Variants in AVL9 observed in about 807,000 individuals in gnomAD.
AVL9 encodes the protein late secretory pathway protein AVL9 homolog.
AVL9 carries 49 observed loss-of-function variants against 79.2 expected under a neutral mutation model. That is an observed-to-expected ratio of 0.62 (90% CI 0.49 to 0.79). AVL9 has a LOEUF of 0.79. Among genes scored for constraint, AVL9 ranks in the 30% least tolerant of loss-of-function variants. The pLI is 0.00. For synonymous variants in AVL9, 299 were observed against 280.6 expected (o/e 1.07, Z -0.65); for missense variants, 682 against 776.8 (o/e 0.88, Z 1.45).
At chr7:32,566,910 T>C (rs1021102488) in intron 10 of AVL9, among the ~76,000 whole-genome samples, 5 of 152,274 alleles carry the variant, frequency 3.3e-5, no homozygotes, top group Middle Eastern at 3.4e-3. Context: ...ATGTGACTTT[T>C]AGTGTTTGAG....
At chr7:32,508,435 G>GT (rs34805995) in intron 1 of AVL9, among the ~76,000 whole-genome samples, 53,265 of 151,962 alleles carry the variant, frequency 0.35, 9,672 homozygotes, top group East Asian at 0.48. Flanking sequence ...TTAATATTGT[G>GT]TTTTTTAACT....
intron 8 of AVL9, among the ~76,000 whole-genome samples, chr7:32,557,873 T>TTTTTA (rs1790144380): frequency 6.6e-6 from 1 of 150,848 alleles, no homozygotes; most frequent in African/African-American, 2.5e-5. Context: ...TTTTTTTTTT[T>TTTTTA]GAGACAGAGT....
intron 11 of AVL9, among the ~76,000 whole-genome samples, chr7:32,571,710 C>G (rs1181210423): frequency 1.3e-5 from 2 of 150,724 alleles, no homozygotes; most frequent in Non-Finnish European, 3.0e-5. Flanking sequence ...CAGGAGGATA[C>G]AGATGGGAGG....
At chr7:32,570,257 A>ACCTT in intron 11 of AVL9, 103 bp downstream of exon 11, 1 of 1,414,164 alleles carries the variant, frequency 7.1e-7, no homozygotes. Context: ...AATGATAATA[A>ACCTT]CTGCATACTG....
At chr7:32,503,317 A>AAG (rs1342056321) in intron 1 of AVL9, among the ~76,000 whole-genome samples, 127 of 131,802 alleles carry the variant, frequency 9.6e-4, no homozygotes, top group Non-Finnish European at 1.5e-3. Context: ...TCTCTACTAA[A>AAG]AGATATATAT....
At chr7:32,569,347 T>A (rs1298105481) in intron 10 of AVL9, among the ~76,000 whole-genome samples, 1 of 149,448 alleles carries the variant, frequency 6.7e-6, no homozygotes. Context: ...TTAACACTTG[T>A]ACTCTCAGGA....
chr7:32,588,552 TTGCTC>T lies in AVL9; in HGVS notation c.*4648_*4652del, dbSNP rs1421118238. On this transcript the variant is annotated 3_prime_UTR_variant, in exon 16 of 16. Coordinates refer to ENST00000318709, the MANE Select transcript of AVL9 (RefSeq NM_015060.3). ...GTTTTGATCAGAAAGGTAGTTCTCTTTGCTCTGGTAGTTTTAAAGTTTGTACTAGT... is the reference window on the plus strand; with the variant it reads ...GTTTTGATCAGAAAGGTAGTTCTCTTTGGTAGTTTTAAAGTTTGTACTAGT... 17 of 152,220 alleles carry T rather than the reference TTGCTC, an allele frequency of 1.1e-4. No homozygotes were observed. The highest frequency in any genetic ancestry group is 3.6e-4 in the African/African-American group (15 of 41,456). The allele number at this position is 152,220 out of a possible 1,614,324, so 9.4% of individuals were successfully genotyped here. A position where few individuals can be genotyped will look rare whatever the true frequency, so the allele number is the denominator to read the frequency against.
chr7:32,504,516 A>G (rs1163817597), intron 1 of AVL9, among the ~76,000 whole-genome samples: 1 of 152,172 alleles, frequency 6.6e-6, no homozygotes, highest in East Asian at 1.9e-4. Context: ...ATCAAGATGT[A>G]AGTTTGGACC....
In AVL9 at chr7:32,495,550, G is replaced by A. The variant is rs1562742458; in HGVS notation, c.-160G>A. On this transcript the variant is annotated 5_prime_UTR_variant, in exon 1 of 16. Transcript: ENST00000318709. ...GAGGGAAGGGCGGCCGTGGCCCTGG[G>A]GGCGGCGGGAGCTGCTTTGCCTCCA... The A allele has an allele frequency of 1.2e-5, 5 of 421,466 alleles. No homozygotes were observed. Among genetic ancestry groups the A allele is most frequent in the South Asian group, 1.3e-4 (1 of 7,434 alleles). The allele number at this position is 421,466 out of a possible 1,614,324, so 26.1% of individuals were successfully genotyped here.
chr7:32,536,104 T>A (rs148266482), intron 1 of AVL9: 1 of 152,322 alleles, frequency 6.6e-6, no homozygotes, highest in Non-Finnish European at 1.5e-5. Context: ...TTCATAGCAG[T>A]ATGAGGACTG....
rs1337567836 is a variant in AVL9 at position 32,570,623 on chromosome 7, TTTC to T, written c.1350+472_1350+474del. ...TTATTTTACAACTGAAATAATCTTTTTTCTTTTTTTTTTTTGAGACAGTTTCGT... is the reference window on the plus strand; with the variant it reads ...TTATTTTACAACTGAAATAATCTTTTTTTTTTTTTTTTGAGACAGTTTCGT... On this transcript the variant is annotated intron_variant, in intron 11 of 15. Transcript: ENST00000318709. Among the ~76,000 whole-genome samples the T allele has an allele frequency of 1.7e-3, 245 of 146,556 alleles. 3 individuals carry two copies. Among genetic ancestry groups the T allele is most frequent in the African/African-American group, 5.8e-3 (235 of 40,820 alleles).
At chr7:32,499,087 T>G (rs993263848) in intron 1 of AVL9, among the ~76,000 whole-genome samples, 2 of 150,706 alleles carry the variant, frequency 1.3e-5, no homozygotes, top group Non-Finnish European at 3.0e-5. Context: ...TGCTTGAATC[T>G]GGGAGGCGGA....
chr7:32,575,555 A>C (rs1227575917), intron 12 of AVL9, among the ~76,000 whole-genome samples: 2 of 152,216 alleles, frequency 1.3e-5, no homozygotes, highest in African/African-American at 2.4e-5. Flanking sequence ...AAAAAGTAGA[A>C]AGATATCCCA....
At chr7:32,543,448 A>C (rs1220794988) in intron 2 of AVL9, among the ~76,000 whole-genome samples, 187 bp downstream of exon 2, 2 of 152,250 alleles carry the variant, frequency 1.3e-5, no homozygotes, top group Admixed American at 6.5e-5. Context: ...CCAGGCTTAC[A>C]TTGGCTGTGG....
In AVL9 at chr7:32,579,500, ATATAT is replaced by A. The variant is rs1267089839; in HGVS notation, c.1689-713_1689-709del. Among the ~76,000 whole-genome samples the A allele has an allele frequency of 4.7e-3, 27 of 5,738 alleles. 6 individuals are homozygous for A. The highest frequency in any genetic ancestry group is 0.023 in the African/African-American group (25 of 1,102). The allele number at this position is 5,738 out of a possible 152,430, so 3.8% of individuals were successfully genotyped here. On this transcript the variant is annotated intron_variant, in intron 13 of 15. Coordinates refer to ENST00000318709, the MANE Select transcript of AVL9 (RefSeq NM_015060.3). ...TATTATATATAATATATTACATATTATATATTATATATTATATTATATATTATATA... is the reference window on the plus strand; with the variant it reads ...TATTATATATAATATATTACATATTATATATATTATATTATATATTATATA...
Position 32,573,251 on chromosome 7 carries a change from ACCCAACCACT to A in AVL9, c.1404_1413del (p.Asn468LysfsTer4), listed in dbSNP as rs776663448. On this transcript the variant is annotated frameshift_variant, in exon 12 of 16. Coordinates refer to ENST00000318709, the MANE Select transcript of AVL9 (RefSeq NM_015060.3). LOFTEE classifies it high-confidence loss of function. ...GATCCAGAACTCAGGAAGCTGCTTA[ACCCAACCACT>A]GCAGACCTAAGGTTCGCAGACTACC... is the stretch of plus-strand genomic sequence containing the variant. 1.2e-5 allele frequency: 19 copies of A among 1,613,882 alleles called. No individual in the cohort carries two copies. The highest frequency in any genetic ancestry group is 1.5e-5 in the Non-Finnish European group (18 of 1,180,014).
intron 11 of AVL9, 103 bp downstream of exon 11, chr7:32,570,257 A>T: frequency 7.1e-7 from 1 of 1,414,164 alleles, no homozygotes; most frequent in Admixed American, 1.8e-5. Context: ...AATGATAATA[A>T]CTGCATACTG....
intron 8 of AVL9, among the ~76,000 whole-genome samples, chr7:32,557,729 G>C (rs1790130082): frequency 6.6e-6 from 1 of 152,084 alleles, no homozygotes; most frequent in South Asian, 2.1e-4. Flanking sequence ...ATAAATTTCA[G>C]ACATTGTGAC....
In AVL9 at chr7:32,588,525, A is replaced by C. The variant is rs912160778; in HGVS notation, c.*4618A>C. ...TTCTAAGGAAGTTTAACTGTGGCAC[A>C]TGTTTTGATCAGAAAGGTAGTTCTC... On this transcript the variant is annotated 3_prime_UTR_variant, in exon 16 of 16. Coordinates refer to ENST00000318709, the MANE Select transcript of AVL9 (RefSeq NM_015060.3). The C allele has an allele frequency of 1.3e-5, 2 of 152,216 alleles. No homozygotes were observed. The highest frequency in any genetic ancestry group is 1.5e-5 in the Non-Finnish European group (1 of 68,032). The allele number at this position is 152,216 out of a possible 1,614,324, so 9.4% of individuals were successfully genotyped here.
Sources: allele counts gnomAD v4.1 joint callset (sites outside exome capture counted in the v4.1 genomes callset), GRCh38; gene constraint gnomAD v4.1.1; transcripts MANE v1.5; gene names NCBI Gene and HGNC (gene_info 2026-07-23, HGNC 2026-07-21).